The following PLEKHG7 variants were observed in gnomAD, a reference collection of about 807,000 sequenced individuals.
PLEKHG7 encodes the protein pleckstrin homology domain-containing family G member 7.
PLEKHG7 carries 77 observed loss-of-function variants against 85.2 expected under a neutral mutation model. That is an observed-to-expected ratio of 0.90 (90% confidence interval 0.75 to 1.09). The LOEUF (loss-of-function observed/expected upper bound fraction) is 1.09. PLEKHG7 is among the 50% of genes least tolerant of loss of function. PLEKHG7 has a pLI of 0.00. For missense variants in PLEKHG7, 777 were observed against 804.3 expected (o/e 0.97, Z 0.41); for synonymous variants, 301 against 302.4 (o/e 1.00, Z 0.05).
At chr12:92,765,621 C>G (rs1176528796) in intron 15 of PLEKHG7, among the ~76,000 whole-genome samples, 2 of 147,632 alleles carry the variant, frequency 1.4e-5, no homozygotes, top group Non-Finnish European at 3.0e-5. Flanking sequence ...AAGAGTGAAA[C>G]TCCATCTCAA....
chr12:92,718,500 G>A (rs1446430593), intron 3 of PLEKHG7, among the ~76,000 whole-genome samples: 1 of 152,106 alleles, frequency 6.6e-6, no homozygotes, highest in Non-Finnish European at 1.5e-5. Context: ...GCACTTAGTA[G>A]GTGTCCAATA....
In PLEKHG7 at chr12:92,737,492, T is replaced by C. The variant is rs757806925; in HGVS notation, c.910T>C (p.Phe304Leu). 6.2e-7 allele frequency: 1 copy of C among 1,605,102 alleles called. No homozygotes were observed. Among genetic ancestry groups the C allele is most frequent in the South Asian group, 1.1e-5 (1 of 88,264 alleles). ...WELFTSECTY[F>L]LDHLLVLKMI... ...ACTTTTCACAAGTGAATGCACCTAT[T>C]TTTTGGACCATTTATTAGTTCTTAA... Residue 304 changes from phenylalanine to leucine, a missense_variant, in exon 7 of 17, where the codon TTT (phenylalanine) becomes CTT (leucine). Phe to Leu is a conservative substitution (Grantham distance 22). Transcript: ENST00000344636.
chr12:92,712,440 A>G (rs940710514), intron 3 of PLEKHG7, among the ~76,000 whole-genome samples: 2 of 152,214 alleles, frequency 1.3e-5, no homozygotes, highest in Non-Finnish European at 2.9e-5. Context: ...CAATGAAACC[A>G]CATCTGGTAC....
intron 4 of PLEKHG7, among the ~76,000 whole-genome samples, chr12:92,731,301 A>C (rs942331926): frequency 4.6e-5 from 7 of 152,228 alleles, no homozygotes; most frequent in Non-Finnish European, 8.8e-5. Flanking sequence ...TAAGCTGGTC[A>C]AAATGAATGA....
chr12:92,748,121 T>A (rs528085789), intron 10 of PLEKHG7, among the ~76,000 whole-genome samples: 1 of 152,236 alleles, frequency 6.6e-6, no homozygotes. Flanking sequence ...TTACACATTG[T>A]ACACATGTAT....
intron 15 of PLEKHG7, among the ~76,000 whole-genome samples, chr12:92,767,429 G>T (rs374385963): frequency 6.6e-6 from 1 of 151,600 alleles, no homozygotes; most frequent in African/African-American, 2.4e-5. Flanking sequence ...ACAATGACCT[G>T]ATCTTTAAAG....
In PLEKHG7 at chr12:92,751,196, C is replaced by A. The variant is rs1872682170; in HGVS notation, c.1252-2894C>A. Among the ~76,000 whole-genome samples the A allele has an allele frequency of 2.0e-5, 3 of 152,162 alleles. No homozygotes were observed. In the South Asian group the frequency reaches 6.2e-4, roughly 31 times the overall value. On this transcript the variant is annotated intron_variant, in intron 10 of 16. Transcript: ENST00000344636. ...GGTTCAGACAGGTCTGAATTCAAAT[C>A]CTACCTCTGCCCTAGAACAACCATA...
At chr12:92,762,567 CT>C in intron 14 of PLEKHG7, among the ~76,000 whole-genome samples, 1 of 152,124 alleles carries the variant, frequency 6.6e-6, no homozygotes, top group Non-Finnish European at 1.5e-5. Context: ...CCCCAAAAGG[CT>C]TTCTGTCTAA....
intron 14 of PLEKHG7, among the ~76,000 whole-genome samples, chr12:92,763,192 C>A (rs1219274719): frequency 1.3e-5 from 2 of 152,058 alleles, no homozygotes; most frequent in Non-Finnish European, 2.9e-5. Context: ...AGTTTACATG[C>A]CTCTTTGCTA....
At chr12:92,727,553 C>G (rs1565789296) in intron 3 of PLEKHG7, among the ~76,000 whole-genome samples, 1 of 151,944 alleles carries the variant, frequency 6.6e-6, no homozygotes, top group Non-Finnish European at 1.5e-5. Context: ...GGATAATGGC[C>G]TCCAGCTCCA....
intron 15 of PLEKHG7, among the ~76,000 whole-genome samples, chr12:92,766,198 T>G (rs1462731025): frequency 6.6e-6 from 1 of 152,234 alleles, no homozygotes; most frequent in Non-Finnish European, 1.5e-5. Context: ...AATCACTTCT[T>G]TTCTGTCATT....
chr12:92,756,148 GT>G (rs1872822482), intron 12 of PLEKHG7, 149 bp from the exon 13 acceptor site: 1 of 707,104 alleles, frequency 1.4e-6, no homozygotes, highest in Non-Finnish European at 2.4e-6. Flanking sequence ...TTCTGAGAGG[GT>G]TTTTCATTGT....
intron 9 of PLEKHG7, 85 bp from the exon 10 acceptor site, chr12:92,745,393 A>G (rs1218203628): frequency 1.1e-6 from 1 of 906,424 alleles, no homozygotes; most frequent in African/African-American, 1.8e-5. Flanking sequence ...CTAGTTAATG[A>G]TAAAAGTGAG....
In PLEKHG7 at chr12:92,740,833, A is replaced by G. The variant is rs918053163; in HGVS notation, c.940-20A>G. 9.4e-6 allele frequency: 14 copies of G among 1,494,518 alleles called. No individual in the cohort carries two copies. Among genetic ancestry groups the G allele is most frequent in the Non-Finnish European group, 1.3e-5 (14 of 1,081,174 alleles). The allele number at this position is 1,494,518 out of a possible 1,614,324, so 92.6% of individuals were successfully genotyped here. A position where few individuals can be genotyped will look rare whatever the true frequency, so the allele number is the denominator to read the frequency against. ...AATTAAAAAACAGAAATTAATGTGTATATATTTTTTATTTCAAAGATCTTT... is the reference window on the plus strand; with the variant it reads ...AATTAAAAAACAGAAATTAATGTGTGTATATTTTTTATTTCAAAGATCTTT... On this transcript the variant is annotated intron_variant, in intron 7 of 16. Transcript: ENST00000344636.
At chr12:92,718,198 T>G (rs1440143361) in intron 3 of PLEKHG7, among the ~76,000 whole-genome samples, 2 of 152,178 alleles carry the variant, frequency 1.3e-5, no homozygotes. Flanking sequence ...TTGGACAGGA[T>G]TCAGAGACTA....
chr12:92,745,852 T>C (rs1176218312), intron 10 of PLEKHG7, among the ~76,000 whole-genome samples: 4 of 152,214 alleles, frequency 2.6e-5, no homozygotes, highest in Non-Finnish European at 5.9e-5. Flanking sequence ...GTTTTCTTGG[T>C]TCATTATGCT....
At chr12:92,707,343 T>C (rs1326104853) in intron 2 of PLEKHG7, 8 of 1,428,924 alleles carry the variant, frequency 5.6e-6, no homozygotes, top group Non-Finnish European at 7.3e-6. Context: ...GAAAATGATC[T>C]CGCTCACTTT....
In PLEKHG7 at chr12:92,749,926, A is replaced by ATAT. The variant is rs1555195917; in HGVS notation, c.1252-4163_1252-4162insATT. Reference sequence around the variant, plus strand: ...TATTTCATTTATTTTATTTTATTTTATTTATTTTATTTTATATTTTATTTT... The same window carrying ATAT: ...TATTTCATTTATTTTATTTTATTTTATATTTTATTTTATTTTATATTTTATTTT... On this transcript the variant is annotated intron_variant, in intron 10 of 16. Coordinates refer to ENST00000344636, the MANE Select transcript of PLEKHG7 (RefSeq NM_001377329.1). Among the ~76,000 whole-genome samples, 574 of 104,632 alleles carry ATAT rather than the reference A, an allele frequency of 5.5e-3. 10 individuals are homozygous for ATAT. The highest frequency in any genetic ancestry group is 0.022 in the African/African-American group (535 of 24,034). 68.6% of individuals were successfully genotyped at this position (104,632 alleles called of 152,430 possible). A position where few individuals can be genotyped will look rare whatever the true frequency, so the allele number is the denominator to read the frequency against.
intron 10 of PLEKHG7, among the ~76,000 whole-genome samples, chr12:92,749,150 C>T (rs934272315): frequency 1.3e-5 from 2 of 152,226 alleles, no homozygotes; most frequent in Non-Finnish European, 2.9e-5. Flanking sequence ...TGCCTGAAAT[C>T]GACCTATAAA....
Sources: allele counts gnomAD v4.1 joint callset (sites outside exome capture counted in the v4.1 genomes callset), GRCh38; gene constraint gnomAD v4.1.1; transcripts MANE v1.5; gene names NCBI Gene and HGNC (gene_info 2026-07-23, HGNC 2026-07-21).